AGBL4: variants seen among roughly 807,000 people sequenced by gnomAD.
AGBL4 encodes cytosolic carboxypeptidase 6.
Under a neutral mutation model 66.4 loss-of-function variants are expected in AGBL4, and 58 were observed. The ratio of observed to expected loss-of-function variants is 0.87; its 90% confidence interval spans 0.71 to 1.09. The LOEUF (loss-of-function observed/expected upper bound fraction) is 1.09. Among genes scored for constraint, AGBL4 ranks in the 50% least tolerant of loss-of-function variants. AGBL4 has a pLI of 0.00. For missense variants in AGBL4, 579 were observed against 631.0 expected (o/e 0.92, Z 0.88); for synonymous variants, 234 against 222.9 (o/e 1.05, Z -0.44).
At chr1:49,242,807 T>A (rs1256158479) in intron 4 of AGBL4, among the ~76,000 whole-genome samples, 1 of 151,832 alleles carries the variant, frequency 6.6e-6, no homozygotes, top group Non-Finnish European at 1.5e-5. Flanking sequence ...CTGCTAGATG[T>A]CTCCTCAAGG....
chr1:49,301,618 G>A (rs1034190190), intron 3 of AGBL4, among the ~76,000 whole-genome samples: 5 of 152,146 alleles, frequency 3.3e-5, no homozygotes, highest in Non-Finnish European at 5.9e-5. Context: ...CCTAGTCATC[G>A]TTTCCTAGTT....
intron 4 of AGBL4, among the ~76,000 whole-genome samples, chr1:49,102,389 T>C (rs866456318): frequency 1.4e-4 from 21 of 152,202 alleles, no homozygotes; most frequent in African/African-American, 5.1e-4. Flanking sequence ...CCAAGTTTAC[T>C]GGTTTGAAAT....
chr1:48,699,598 C>T (rs370176404), intron 6 of AGBL4, among the ~76,000 whole-genome samples: 53 of 152,290 alleles, frequency 3.5e-4, no homozygotes, highest in African/African-American at 1.2e-3. Flanking sequence ...TCCAACAGCT[C>T]TCAATCAATG....
chr1:49,750,187 C>T (rs1161886729), intron 2 of AGBL4, among the ~76,000 whole-genome samples: 1 of 151,660 alleles, frequency 6.6e-6, no homozygotes, highest in Non-Finnish European at 1.5e-5. Flanking sequence ...TATACAAGAG[C>T]GGTATTACCT....
At chr1:49,260,682 A>G (rs1032816566) in intron 3 of AGBL4, among the ~76,000 whole-genome samples, 1 of 152,138 alleles carries the variant, frequency 6.6e-6, no homozygotes, top group Non-Finnish European at 1.5e-5. Flanking sequence ...TACCAACCAA[A>G]AAGAGTCCAG....
chr1:49,571,069 C>G (rs553041829), intron 3 of AGBL4, among the ~76,000 whole-genome samples: 7 of 150,368 alleles, frequency 4.7e-5, no homozygotes, highest in Non-Finnish European at 1.0e-4. Flanking sequence ...TTTATTTGGG[C>G]TCTTTCATAG....
intron 3 of AGBL4, among the ~76,000 whole-genome samples, chr1:49,424,567 C>A: frequency 6.6e-6 from 1 of 152,196 alleles, no homozygotes; most frequent in Non-Finnish European, 1.5e-5. Context: ...TTTAATTGAA[C>A]ATCTCAACTG....
chr1:48,548,684 C>G (rs1644204181), intron 11 of AGBL4, among the ~76,000 whole-genome samples: 1 of 152,190 alleles, frequency 6.6e-6, no homozygotes, highest in Admixed American at 6.5e-5. Flanking sequence ...GAACCCTCAG[C>G]AAGCTCAGCT....
At chr1:49,931,501 A>T (rs1236386643) in intron 1 of AGBL4, among the ~76,000 whole-genome samples, 1 of 152,082 alleles carries the variant, frequency 6.6e-6, no homozygotes, top group African/African-American at 2.4e-5. Context: ...AAGACGGGGG[A>T]AGTGCCAGAC....
intron 3 of AGBL4, among the ~76,000 whole-genome samples, chr1:49,511,256 C>T (rs1271398514): frequency 6.6e-6 from 1 of 151,530 alleles, no homozygotes; most frequent in Admixed American, 6.6e-5. Context: ...ACATATACAC[C>T]ATGGAATACT....
chr1:48,943,753 GGTT>G (rs1360165909), intron 5 of AGBL4, among the ~76,000 whole-genome samples: 1 of 143,952 alleles, frequency 6.9e-6, no homozygotes, highest in East Asian at 2.0e-4. Context: ...GAGTCTGGGT[GGTT>G]GTTTGTTGTT....
At chr1:48,727,889 T>C (rs748142928) in intron 6 of AGBL4, 2 of 1,602,242 alleles carry the variant, frequency 1.2e-6, no homozygotes, top group Non-Finnish European at 1.7e-6. Flanking sequence ...CCAAAGTTTA[T>C]TGCAAATTGT....
intron 3 of AGBL4, among the ~76,000 whole-genome samples, chr1:49,339,320 T>C (rs1645493751): frequency 6.6e-6 from 1 of 152,226 alleles, no homozygotes; most frequent in Non-Finnish European, 1.5e-5. Context: ...TAAAAAGTTC[T>C]CAGTTACTTT....
At chr1:49,271,518 A>G (rs1214531564) in intron 3 of AGBL4, among the ~76,000 whole-genome samples, 3 of 70,152 alleles carry the variant, frequency 4.3e-5, no homozygotes, top group African/African-American at 3.0e-4. Flanking sequence ...AAAAGATAGC[A>G]CACACACACA....
intron 2 of AGBL4, among the ~76,000 whole-genome samples, chr1:49,728,309 ATCT>A (rs1486165753): frequency 2.6e-5 from 4 of 152,206 alleles, no homozygotes; most frequent in Non-Finnish European, 5.9e-5. Context: ...CAATTTAAAG[ATCT>A]TCTTAAACTA....
At chr1:49,369,417 A>T (rs1644298543) in intron 3 of AGBL4, among the ~76,000 whole-genome samples, 1 of 152,226 alleles carries the variant, frequency 6.6e-6, no homozygotes, top group South Asian at 2.1e-4. Context: ...ATAAAATTAA[A>T]GCAAATGTAT....
Position 49,554,291 on chromosome 1 carries a change from C to T in AGBL4, c.282+143022G>A, listed in dbSNP as rs1212271738. ...CCGATAAATAAGATTTCTTCCATGC[C>T]AAAGACAGATTTATCTCTCCAGGAC... On this transcript the variant is annotated intron_variant, in intron 3 of 13. Coordinates refer to ENST00000371839, the MANE Select transcript of AGBL4 (RefSeq NM_032785.4). 2.0e-5 allele frequency among the ~76,000 whole-genome samples: 3 copies of T among 152,168 alleles called. 1 individual carries two copies. The highest frequency in any genetic ancestry group is 6.8e-3 in the Middle Eastern group (2 of 294).
At chr1:49,894,889 A>G (rs749804727) in intron 1 of AGBL4, among the ~76,000 whole-genome samples, 12 of 152,162 alleles carry the variant, frequency 7.9e-5, no homozygotes, top group Non-Finnish European at 1.6e-4. Context: ...AACCTAGAGA[A>G]AGATATCAAT....
intron 4 of AGBL4, among the ~76,000 whole-genome samples, chr1:49,162,133 C>T (rs1557691066): frequency 6.6e-6 from 1 of 152,118 alleles, no homozygotes; most frequent in Non-Finnish European, 1.5e-5. Context: ...GCATTATGGT[C>T]AGTAATTAGT....
Sources: allele counts gnomAD v4.1 joint callset (sites outside exome capture counted in the v4.1 genomes callset), GRCh38; gene constraint gnomAD v4.1.1; transcripts MANE v1.5; gene names NCBI Gene and HGNC (gene_info 2026-07-23, HGNC 2026-07-21).